The following NAALADL2 variants were observed in gnomAD, a reference collection of about 807,000 sequenced individuals.
The protein encoded by NAALADL2 is inactive N-acetylated-alpha-linked acidic dipeptidase-like protein 2.
Under a neutral mutation model 87.2 loss-of-function variants are expected in NAALADL2, and 76 were observed. The observed-to-expected ratio is 0.87, with a 90% confidence interval of 0.72 to 1.05. The LOEUF is 1.05. NAALADL2 is among the 50% of genes least tolerant of loss of function. The pLI, the probability that NAALADL2 is intolerant of heterozygous loss-of-function variation, is 0.00. For missense variants in NAALADL2, 1,089 were observed against 945.8 expected, an observed-to-expected ratio of 1.15 and a Z score of -1.99; for synonymous variants, 354 against 331.0, an observed-to-expected ratio of 1.07 and a Z score of -0.75.
chr3:175,202,354 C>T (rs773709660), intron 2 of NAALADL2, among the ~76,000 whole-genome samples: 2 of 152,230 alleles, frequency 1.3e-5, no homozygotes, highest in South Asian at 4.1e-4. Flanking sequence ...CTGATCTATG[C>T]ATCTCTTTCC....
chr3:175,555,844 ATG>A (rs1319929354), intron 9 of NAALADL2, among the ~76,000 whole-genome samples: 1 of 152,176 alleles, frequency 6.6e-6, no homozygotes, highest in African/African-American at 2.4e-5. Flanking sequence ...TATTTGGCTT[ATG>A]GTTTCTAGGC....
intron 9 of NAALADL2, among the ~76,000 whole-genome samples, chr3:175,564,173 A>G (rs889454677): frequency 6.6e-6 from 1 of 151,934 alleles, no homozygotes; most frequent in Non-Finnish European, 1.5e-5. Context: ...AAATTAAACG[A>G]ATTACCTCTA....
intron 2 of NAALADL2, among the ~76,000 whole-genome samples, chr3:174,676,467 T>G (rs1453452791): frequency 2.6e-5 from 4 of 152,024 alleles, no homozygotes. Context: ...CAAAATATTT[T>G]GTAAACCATT....
At chr3:174,683,625 TTCTGGTGTGTGTG>T (rs1422349065) in intron 2 of NAALADL2, among the ~76,000 whole-genome samples, 1 of 94,566 alleles carries the variant, frequency 1.1e-5, no homozygotes, top group East Asian at 3.3e-4. Context: ...TTAACAGAAC[TTCTGGTGTGTGTG>T]TGTGTGTGTG....
At chr3:175,181,747 A>G (rs62285865) in intron 2 of NAALADL2, among the ~76,000 whole-genome samples, 10,405 of 28,476 alleles carry the variant, frequency 0.37, 2,155 homozygotes, top group East Asian at 0.51. Flanking sequence ...GTATATATGT[A>G]TATATATGTG....
At chr3:174,453,094 G>T (rs1715592173) in intron 1 of NAALADL2, among the ~76,000 whole-genome samples, 1 of 152,098 alleles carries the variant, frequency 6.6e-6, no homozygotes, top group Admixed American at 6.5e-5. Flanking sequence ...GAATGTAACT[G>T]ACCTGATATA....
chr3:174,921,119 G>A (rs1735122199), intron 1 of NAALADL2, among the ~76,000 whole-genome samples: 1 of 152,198 alleles, frequency 6.6e-6, no homozygotes, highest in South Asian at 2.1e-4. Context: ...GTGAAACAGA[G>A]TTATGAAATG....
intron 10 of NAALADL2, among the ~76,000 whole-genome samples, chr3:175,623,568 C>T (rs971987738): frequency 1.8e-4 from 27 of 152,010 alleles, no homozygotes; most frequent in African/African-American, 5.8e-4. Flanking sequence ...CTTGAGATAA[C>T]TGGGTGGGCT....
At chr3:175,608,962 A>G (rs1050856529) in intron 10 of NAALADL2, among the ~76,000 whole-genome samples, 1 of 147,680 alleles carries the variant, frequency 6.8e-6, no homozygotes, top group African/African-American at 2.5e-5. Flanking sequence ...AAACATACCA[A>G]AGAGATAATC....
chr3:175,619,368 C>A (rs1341140367), intron 10 of NAALADL2, among the ~76,000 whole-genome samples: 2 of 151,462 alleles, frequency 1.3e-5, no homozygotes, highest in African/African-American at 4.9e-5. Context: ...AATTGGGGAC[C>A]TGCACTAACA....
chr3:175,311,831 T>C (rs1176544829), intron 4 of NAALADL2, among the ~76,000 whole-genome samples: 1 of 152,132 alleles, frequency 6.6e-6, no homozygotes, highest in Non-Finnish European at 1.5e-5. Flanking sequence ...TCAAGTATTT[T>C]TTTCCTTTAC....
At chr3:175,462,041 G>A (rs1408571782) in intron 6 of NAALADL2, among the ~76,000 whole-genome samples, 2 of 152,102 alleles carry the variant, frequency 1.3e-5, no homozygotes, top group African/African-American at 2.4e-5. Flanking sequence ...ACACCATTAT[G>A]CATTGTCAAA....
chr3:175,410,773 T>C (rs1031922329), intron 5 of NAALADL2, among the ~76,000 whole-genome samples: 1 of 152,180 alleles, frequency 6.6e-6, no homozygotes, highest in African/African-American at 2.4e-5. Context: ...TAAGTATGCC[T>C]TAGCTTAGAG....
chr3:175,435,739 A>G (rs560812199), intron 5 of NAALADL2, among the ~76,000 whole-genome samples: 1 of 152,170 alleles, frequency 6.6e-6, no homozygotes, highest in East Asian at 1.9e-4. Context: ...TCATGGGGAA[A>G]GTTTTCTAAC....
chr3:175,628,609 C>CTATGTGTATATATATATATATATATA (rs10663163), intron 11 of NAALADL2, among the ~76,000 whole-genome samples: 3 of 132,238 alleles, frequency 2.3e-5, no homozygotes, highest in African/African-American at 8.7e-5. Context: ...AATAATCTCT[C>CTATGTGTATATATATATATATATATA]TCTCTATGTA....
intron 9 of NAALADL2, among the ~76,000 whole-genome samples, chr3:175,553,816 TATTG>T (rs1174538865): frequency 1.4e-3 from 207 of 152,174 alleles, no homozygotes; most frequent in African/African-American, 4.6e-3. Context: ...ACATTATCAG[TATTG>T]ATTAATTTAT....
chr3:175,518,717 C>T (rs1197451727), intron 9 of NAALADL2, among the ~76,000 whole-genome samples: 1 of 152,112 alleles, frequency 6.6e-6, no homozygotes, highest in African/African-American at 2.4e-5. Context: ...CATGATAACC[C>T]ATTCATCTAT....
intron 2 of NAALADL2, among the ~76,000 whole-genome samples, chr3:174,649,254 A>C (rs1243092330): frequency 2.0e-5 from 3 of 152,092 alleles, no homozygotes; most frequent in Non-Finnish European, 4.4e-5. Flanking sequence ...TGAGCCACCA[A>C]GCCCAGCTGA....
chr3:175,381,583 A>C (rs1009255276), intron 5 of NAALADL2, among the ~76,000 whole-genome samples: 3 of 152,148 alleles, frequency 2.0e-5, no homozygotes, highest in Non-Finnish European at 4.4e-5. Context: ...ATTTCTTAGC[A>C]CATTTATTTA....
Sources: gnomAD v4.1 joint callset for allele counts (sites outside exome capture counted in the v4.1 genomes callset) on GRCh38, gnomAD v4.1.1 for gene constraint, MANE v1.5 for transcripts, NCBI Gene and HGNC (gene_info 2026-07-23, HGNC 2026-07-21) for gene names.